The following LRRC74A variants were observed in gnomAD, a reference collection of about 807,000 sequenced individuals.
LRRC74A encodes leucine-rich repeat-containing protein 74A.
In LRRC74A, 44 loss-of-function variants were observed where a neutral mutation model predicts 57.9. That is an observed-to-expected ratio of 0.76 (90% CI 0.60 to 0.98). The LOEUF (loss-of-function observed/expected upper bound fraction) is 0.98. Among genes scored for constraint, LRRC74A ranks in the 50% least tolerant of loss-of-function variants. The probability of loss-of-function intolerance (pLI) is 0.00; values close to 1 mark genes in which losing one functional copy is unlikely to be tolerated. For synonymous variants in LRRC74A, 211 were observed against 219.4 expected, an observed-to-expected ratio of 0.96 and a Z score of 0.34; for missense variants, 572 against 574.0, an observed-to-expected ratio of 1.00 and a Z score of 0.04.
At chr14:76,850,853 A>G (rs75908776) in intron 7 of LRRC74A, among the ~76,000 whole-genome samples, 4 of 32,860 alleles carry the variant, frequency 1.2e-4, no homozygotes, top group African/African-American at 3.8e-4. Flanking sequence ...TCAAAAAAAA[A>G]AAAAAAAAAA....
In LRRC74A at chr14:76,853,388, A is replaced by G. The variant is rs146800485; in HGVS notation, c.935A>G (p.Asn312Ser). The part of the protein sequence containing the change: ...ASKISKGLES[N>S]ESLRVLKLFL... ...AAAATCAGCAAAGGACTGGAATCCA[A>G]TGAAAGCCTCAGAGTTCTGAAGGTA... The change falls in exon 9 of 14, where the codon AAT becomes AGT. Residue 312 changes from asparagine (N) to serine (S), a missense_variant. Coordinates refer to ENST00000689127, the MANE Select transcript of LRRC74A (RefSeq NM_001385106.1). 1.2e-5 allele frequency: 19 copies of G among 1,607,714 alleles called. No homozygotes were observed. In the African/African-American group the frequency reaches 1.5e-4, roughly 13 times the overall value.
At chr14:76,865,912 T>A in intron 11 of LRRC74A, 56 bp from the exon 12 acceptor site, 3 of 1,333,060 alleles carry the variant, frequency 2.3e-6, no homozygotes, top group Non-Finnish European at 3.2e-6. Context: ...AAGGGGGACC[T>A]GCGATCGTTG....
chr14:76,838,070 C>G, intron 5 of LRRC74A, 99 bp downstream of exon 5: 1 of 801,004 alleles, frequency 1.2e-6, no homozygotes, highest in Non-Finnish European at 2.0e-6. Flanking sequence ...AGACCATGTC[C>G]TTCTAGTCTT....
At chr14:76,854,331 G>A (rs1218685729) in intron 9 of LRRC74A, among the ~76,000 whole-genome samples, 2 of 152,234 alleles carry the variant, frequency 1.3e-5, no homozygotes, top group Admixed American at 1.3e-4. Flanking sequence ...GTTTGGGCCA[G>A]GTGCGGTGGC....
chr14:76,856,336 C>T (rs974779914), intron 9 of LRRC74A, among the ~76,000 whole-genome samples: 1 of 152,180 alleles, frequency 6.6e-6, no homozygotes, highest in Non-Finnish European at 1.5e-5. Flanking sequence ...CCCAGGTGTA[C>T]CTCTGTCACT....
At chr14:76,857,198 A>T (rs1019913779) in intron 9 of LRRC74A, among the ~76,000 whole-genome samples, 182 bp from the exon 10 acceptor site, 2 of 151,478 alleles carry the variant, frequency 1.3e-5, no homozygotes, top group African/African-American at 4.9e-5. Flanking sequence ...GGATGGATGG[A>T]TGGATGAGCA....
chr14:76,845,212 T>A (rs574250647), intron 7 of LRRC74A, among the ~76,000 whole-genome samples: 1 of 152,052 alleles, frequency 6.6e-6, no homozygotes, highest in Non-Finnish European at 1.5e-5. Context: ...TAATCCCAGC[T>A]ACTCGGAAGG....
intron 10 of LRRC74A, among the ~76,000 whole-genome samples, chr14:76,860,464 C>T (rs537683385): frequency 2.0e-5 from 3 of 152,304 alleles, no homozygotes; most frequent in African/African-American, 7.2e-5. Context: ...GGTGACAAGC[C>T]ACCAGCACTC....
At chr14:76,854,479 T>A (rs959189803) in intron 9 of LRRC74A, among the ~76,000 whole-genome samples, 8 of 152,196 alleles carry the variant, frequency 5.3e-5, no homozygotes, top group Admixed American at 2.6e-4. Context: ...TGATTGTGCA[T>A]GCCTGTAATC....
In LRRC74A at chr14:76,860,831, C is replaced by T. The variant is rs1330877210; in HGVS notation, c.1192C>T (p.Leu398=). ...CTTCTTGTTGACAAACCCCATGAAA[C>T]TGATCCAGGTGAGCTCCTGCCTTCC... ...TIFLLTNPMK[L]IQSYADQHKI... The change falls in exon 11 of 14, where the codon CTG becomes TTG. Residue 398 remains leucine (L), a synonymous_variant. Coordinates refer to ENST00000689127, the MANE Select transcript of LRRC74A (RefSeq NM_001385106.1). The T allele has an allele frequency of 1.2e-6, 2 of 1,605,390 alleles. No individual in the cohort carries two copies. Among genetic ancestry groups the T allele is most frequent in the Admixed American group, 1.7e-5 (1 of 59,130 alleles).
At chr14:76,838,912 A>G (rs1896559151) in intron 5 of LRRC74A, among the ~76,000 whole-genome samples, 1 of 152,160 alleles carries the variant, frequency 6.6e-6, no homozygotes, top group South Asian at 2.1e-4. Flanking sequence ...TAGTTCGTGT[A>G]TTTTTAACAT....
At chr14:76,863,144 C>T (rs912294277) in intron 11 of LRRC74A, among the ~76,000 whole-genome samples, 5 of 149,432 alleles carry the variant, frequency 3.3e-5, no homozygotes, top group African/African-American at 5.0e-5. Context: ...TAGGACTTGG[C>T]GAATGGTTGG....
intron 10 of LRRC74A, among the ~76,000 whole-genome samples, chr14:76,858,674 C>T (rs536253460): frequency 1.3e-5 from 2 of 152,212 alleles, no homozygotes; most frequent in South Asian, 2.1e-4. Flanking sequence ...GGCTCACCTC[C>T]GCCTCCTGGG....
chr14:76,867,315 C>G, intron 12 of LRRC74A, 41 bp from the exon 13 acceptor site: 1 of 991,706 alleles, frequency 1.0e-6, no homozygotes, highest in Non-Finnish European at 1.6e-6. Flanking sequence ...GAGGGGTGAA[C>G]AGAGTTCTAT....
intron 12 of LRRC74A, among the ~76,000 whole-genome samples, chr14:76,866,537 C>T (rs933236441): frequency 6.6e-6 from 1 of 152,142 alleles, no homozygotes; most frequent in South Asian, 2.1e-4. Context: ...ATCATCAGAG[C>T]GTCCCAGGAG....
intron 11 of LRRC74A, among the ~76,000 whole-genome samples, chr14:76,863,878 G>A (rs770861536): frequency 4.6e-5 from 7 of 152,198 alleles, no homozygotes; most frequent in East Asian, 1.9e-4. Flanking sequence ...GCATGATTGC[G>A]GAATGCCCCG....
chr14:76,865,926 C>G, intron 11 of LRRC74A, 42 bp from the exon 12 acceptor site: 1 of 1,425,796 alleles, frequency 7.0e-7, no homozygotes. Flanking sequence ...ATCGTTGTTA[C>G]AAGACCAAGT....
rs775255662 is a variant in LRRC74A at position 76,852,434 on chromosome 14, TG to T, written c.747del (p.Leu249PhefsTer9). ...NNFHTRGAVA[L>X]CNGLRGNVTL... is the part of the protein sequence containing the mutation. ...TTCCACACAAGGGGAGCTGTGGCCT[TG>T]TGCAATGGTCTCCGGGTAAGGCACT... is the stretch of plus-strand genomic sequence containing the variant. On this transcript the variant is annotated frameshift_variant, in exon 8 of 14. Coordinates refer to ENST00000689127, the MANE Select transcript of LRRC74A (RefSeq NM_001385106.1). LOFTEE classifies it high-confidence loss of function. 70 of 1,608,872 alleles carry T rather than the reference TG, an allele frequency of 4.4e-5. No homozygotes were observed. The highest frequency in any genetic ancestry group is 5.8e-5 in the Non-Finnish European group (68 of 1,176,638).
chr14:76,844,994 AT>A, intron 7 of LRRC74A, 93 bp downstream of exon 7: 1 of 712,820 alleles, frequency 1.4e-6, no homozygotes, highest in Non-Finnish European at 2.5e-6. Flanking sequence ...TGATTTTTAA[AT>A]GTTGTGATTA....
Sources: allele counts gnomAD v4.1 joint callset (sites outside exome capture counted in the v4.1 genomes callset), GRCh38; gene constraint gnomAD v4.1.1; transcripts MANE v1.5; gene names NCBI Gene and HGNC (gene_info 2026-07-23, HGNC 2026-07-21).